ABCG8: variants seen among roughly 807,000 people sequenced by gnomAD.
ABCG8 encodes the protein ATP binding cassette subfamily G member 8.
ABCG8 carries 81 observed loss-of-function variants against 71.3 expected under a neutral mutation model. That is an observed-to-expected ratio of 1.14 (90% confidence interval 0.95 to 1.37). The LOEUF is 1.37. ABCG8 is among the 40% of genes most tolerant of loss of function. The pLI is 0.00. For synonymous variants in ABCG8, 451 were observed against 354.7 expected, an observed-to-expected ratio of 1.27 and a Z score of -3.05; for missense variants, 1,119 against 866.2, an observed-to-expected ratio of 1.29 and a Z score of -3.66.
chr2:43,873,072 C>T (rs932585525), intron 8 of ABCG8, among the ~76,000 whole-genome samples: 13 of 152,124 alleles, frequency 8.5e-5, no homozygotes, highest in South Asian at 2.1e-4. Context: ...GGGTCTTCCT[C>T]GGCATTCCAG....
rs1186222379 is a variant in ABCG8 at position 43,875,217 on chromosome 2, C to T, written c.1560C>T (p.Asn520=). The T allele has an allele frequency of 1.2e-6, 2 of 1,614,218 alleles. No homozygotes were observed. Among genetic ancestry groups the T allele is most frequent in the Non-Finnish European group, 1.7e-6 (2 of 1,180,042 alleles). The change falls in exon 11 of 13, where the codon AAC becomes AAT. Residue 520 remains asparagine, a synonymous_variant. Transcript: ENST00000272286. ...IYGMPTYWLA[N]LRPGLQPFLL... is the part of the protein sequence containing the mutation. Reference sequence around the variant, plus strand: ...GGATGCCCACCTACTGGCTGGCCAACCTGAGGCCAGGCCTCCAGCCCTTCC... The same window carrying T: ...GGATGCCCACCTACTGGCTGGCCAATCTGAGGCCAGGCCTCCAGCCCTTCC...
chr2:43,840,547 G>C (rs553981886), intron 1 of ABCG8, among the ~76,000 whole-genome samples: 1 of 152,308 alleles, frequency 6.6e-6, no homozygotes, highest in South Asian at 2.1e-4. Flanking sequence ...TGTGGGTCTT[G>C]GAACAAGAGG....
At chr2:43,860,886 A>G (rs987688572) in intron 6 of ABCG8, among the ~76,000 whole-genome samples, 2 of 150,880 alleles carry the variant, frequency 1.3e-5, no homozygotes, top group East Asian at 1.9e-4. Context: ...CACTCTCTGC[A>G]TAGAACTCTC....
intron 3 of ABCG8, 55 bp downstream of exon 3, chr2:43,846,366 T>A: frequency 1.2e-6 from 2 of 1,611,748 alleles, no homozygotes; most frequent in South Asian, 2.2e-5. Flanking sequence ...TACAGAATGG[T>A]CCTTTGGACA....
intron 4 of ABCG8, 88 bp downstream of exon 4, chr2:43,851,910 C>T: frequency 6.9e-7 from 1 of 1,444,752 alleles, no homozygotes; most frequent in Non-Finnish European, 9.6e-7. Flanking sequence ...TGCCTCAGGA[C>T]CCAGCCGCAG....
intron 9 of ABCG8, 64 bp from the exon 10 acceptor site, chr2:43,874,343 A>C: frequency 7.5e-7 from 1 of 1,328,692 alleles, no homozygotes; most frequent in East Asian, 2.3e-5. Flanking sequence ...GAGAGTCTCC[A>C]AAACAGAAGC....
At position 43,882,169 on chromosome 2, in the gene ABCG8, C is replaced by A. The variant is rs999086729; in HGVS notation, c.*4256C>A. 6.6e-6 allele frequency: 1 copy of A among 152,284 alleles called. No individual in the cohort carries two copies. The highest frequency in any genetic ancestry group is 2.4e-5 in the African/African-American group (1 of 41,560). The allele number at this position is 152,284 out of a possible 1,614,324, so 9.4% of individuals were successfully genotyped here. A position where few individuals can be genotyped will look rare whatever the true frequency, so the allele number is the denominator to read the frequency against. ...TTCCTGATTTAAAAAAAAATCTGCTCTTGTTCCTATAAATAGTATATAAGA... is the reference window on the plus strand; with the variant it reads ...TTCCTGATTTAAAAAAAAATCTGCTATTGTTCCTATAAATAGTATATAAGA... On this transcript the variant is annotated 3_prime_UTR_variant, in exon 13 of 13. Coordinates refer to ENST00000272286, the MANE Select transcript of ABCG8 (RefSeq NM_022437.3).
intron 3 of ABCG8, among the ~76,000 whole-genome samples, chr2:43,848,742 A>G (rs552785260): frequency 6.6e-6 from 1 of 152,256 alleles, no homozygotes; most frequent in South Asian, 2.1e-4. Context: ...CAGGCTGGGC[A>G]CGGTGGCTCA....
intron 6 of ABCG8, among the ~76,000 whole-genome samples, chr2:43,856,053 T>G (rs1669094260): frequency 6.6e-6 from 1 of 152,074 alleles, no homozygotes; most frequent in African/African-American, 2.4e-5. Flanking sequence ...ACTCTCACTT[T>G]CTAGCTTGCT....
chr2:43,861,934 A>G (rs1444329123), intron 6 of ABCG8, among the ~76,000 whole-genome samples: 1 of 150,852 alleles, frequency 6.6e-6, no homozygotes, highest in Non-Finnish European at 1.5e-5. Context: ...AACTCTCACT[A>G]TCTACCTCGA....
intron 8 of ABCG8, among the ~76,000 whole-genome samples, chr2:43,872,964 A>G (rs1669832562): frequency 6.6e-6 from 1 of 150,898 alleles, no homozygotes; most frequent in Non-Finnish European, 1.5e-5. Flanking sequence ...GTTTCCATGC[A>G]TACACACATT....
intron 3 of ABCG8, among the ~76,000 whole-genome samples, chr2:43,850,417 C>T (rs1668876857): frequency 6.6e-6 from 1 of 152,198 alleles, no homozygotes; most frequent in African/African-American, 2.4e-5. Flanking sequence ...GTACATCATT[C>T]AGAAGAGGGT....
chr2:43,868,312 T>G (rs1003192398), intron 6 of ABCG8, among the ~76,000 whole-genome samples: 14 of 151,686 alleles, frequency 9.2e-5, no homozygotes, highest in Non-Finnish European at 1.6e-4. Flanking sequence ...ACCATCTGGA[T>G]AAAACTCTCA....
chr2:43,871,492 C>G (rs1337934642), intron 6 of ABCG8, among the ~76,000 whole-genome samples: 1 of 152,238 alleles, frequency 6.6e-6, no homozygotes, highest in Non-Finnish European at 1.5e-5. Context: ...TTCTCACTCT[C>G]TGGATGGAAC....
At position 43,881,557 on chromosome 2, in the gene ABCG8, A is replaced by C. The variant is rs1670131637; in HGVS notation, c.*3644A>C. The C allele has an allele frequency of 6.6e-6, 1 of 152,172 alleles. No homozygotes were observed. Among genetic ancestry groups the C allele is most frequent in the East Asian group, 1.9e-4 (1 of 5,196 alleles). 9.4% of individuals were successfully genotyped at this position (152,172 alleles called of 1,614,324 possible). A position where few individuals can be genotyped will look rare whatever the true frequency, so the allele number is the denominator to read the frequency against. ...AACCCTGCCTCTACTAAAAATACAAAAATTAGCTGGGCATGGTAGTGCGTG... is the reference window on the plus strand; with the variant it reads ...AACCCTGCCTCTACTAAAAATACAACAATTAGCTGGGCATGGTAGTGCGTG... On this transcript the variant is annotated 3_prime_UTR_variant, in exon 13 of 13. Transcript: ENST00000272286.
At chr2:43,869,764 T>A (rs1374382931) in intron 6 of ABCG8, among the ~76,000 whole-genome samples, 1 of 151,888 alleles carries the variant, frequency 6.6e-6, no homozygotes, top group Non-Finnish European at 1.5e-5. Flanking sequence ...TCTGTCTGGA[T>A]AGAATTCTTA....
At position 43,873,244 on chromosome 2, in the gene ABCG8, A is replaced by G. The variant is rs141898011; in HGVS notation, c.1212-543A>G. 2.5e-4 allele frequency among the ~76,000 whole-genome samples: 37 copies of G among 150,130 alleles called. No individual in the cohort carries two copies. The East Asian group carries it at 7.2e-3, about 29-fold the overall frequency. ...CTCTCTGTCACCCAGGCTGGAGTGC[A>G]CTAGGGCAATCTTGGCTCACTGCAA... On this transcript the variant is annotated intron_variant, in intron 8 of 12. Coordinates refer to ENST00000272286, the MANE Select transcript of ABCG8 (RefSeq NM_022437.3).
In ABCG8 at chr2:43,873,849, G is replaced by C; in HGVS notation, c.1274G>C (p.Cys425Ser). ...PTLLIHGAEA[C>S]LMSMTIGFLY... ...CTCCTCATCCATGGGGCGGAGGCCT[G>C]TCTGATGTCAATGACCATCGGCTTC... Residue 425 changes from cysteine (C) to serine (S), a missense_variant, in exon 9 of 13, where the codon TGT (cysteine) becomes TCT (serine). By Grantham distance (112) the Cys-to-Ser change is moderately radical. Transcript: ENST00000272286. The C allele has an allele frequency of 6.2e-7, 1 of 1,614,070 alleles. No homozygotes were observed. The highest frequency in any genetic ancestry group is 8.5e-7 in the Non-Finnish European group (1 of 1,180,026).
rs1572874116 is a variant in ABCG8, at chr2:43,880,184, T to C, written c.*2271T>C. The C allele has an allele frequency of 1.3e-5, 2 of 149,118 alleles. No homozygotes were observed. Among genetic ancestry groups the C allele is most frequent in the East Asian group, 2.0e-4 (1 of 5,084 alleles). 9.2% of individuals were successfully genotyped at this position (149,118 alleles called of 1,614,324 possible). A position where few individuals can be genotyped will look rare whatever the true frequency, so the allele number is the denominator to read the frequency against. On this transcript the variant is annotated 3_prime_UTR_variant, in exon 13 of 13. Transcript: ENST00000272286. ...CAGGCTCATTTTTTGTTTTGTTTTT[T>C]TTTTTTTGAGACAGAATCTCATTCT...
Sources: gnomAD v4.1 joint callset for allele counts (sites outside exome capture counted in the v4.1 genomes callset) on GRCh38, gnomAD v4.1.1 for gene constraint, MANE v1.5 for transcripts, NCBI Gene and HGNC (gene_info 2026-07-23, HGNC 2026-07-21) for gene names.